Variants in MEGF6 observed in about 807,000 individuals in gnomAD.
MEGF6 encodes multiple EGF like domains 6.
Under a neutral mutation model 207.1 loss-of-function variants are expected in MEGF6, and 184 were observed. The observed-to-expected ratio is 0.89, with a 90% CI of 0.79 to 1.00. MEGF6 has a LOEUF of 1.00. Among genes scored for constraint, MEGF6 ranks in the 50% least tolerant of loss-of-function variants. MEGF6 has a pLI of 0.00. For synonymous variants in MEGF6, 1,038 were observed against 910.0 expected, an observed-to-expected ratio of 1.14 and a Z score of -2.53; for missense variants, 2,282 against 2,202.9, an observed-to-expected ratio of 1.04 and a Z score of -0.72.
At chr1:3,497,671 GC>G in intron 26 of MEGF6, 1 of 547,138 alleles carries the variant, frequency 1.8e-6, no homozygotes, top group South Asian at 1.6e-5. Context: ...TGGCAGCCCC[GC>G]CCCATGGAAG....
chr1:3,505,088 T>G (rs1026773123), intron 17 of MEGF6, 120 bp downstream of exon 17: 27 of 1,407,774 alleles, frequency 1.9e-5, no homozygotes, highest in Non-Finnish European at 2.4e-5. Context: ...CCACCTGGGC[T>G]TAGGCAAAGG....
At chr1:3,543,362 C>T (rs771213874) in intron 4 of MEGF6, among the ~76,000 whole-genome samples, 7 of 152,252 alleles carry the variant, frequency 4.6e-5, no homozygotes, top group African/African-American at 7.2e-5. Context: ...CCGAACCCTG[C>T]GTTCGTGCTC....
chr1:3,490,519 C>T lies in MEGF6; in HGVS notation c.*9G>A. The T allele has an allele frequency of 6.2e-7, 1 of 1,612,566 alleles. No homozygotes were observed. The highest frequency in any genetic ancestry group is 8.5e-7 in the Non-Finnish European group (1 of 1,179,726). On this transcript the variant is annotated 3_prime_UTR_variant, in exon 37 of 37. Coordinates refer to ENST00000356575, the MANE Select transcript of MEGF6 (RefSeq NM_001409.4). ...GACTGGAGAGGCGGGCTCCACGGGA[C>T]TGCCTCTACTAGTGCCTCGCTGGTC...
intron 11 of MEGF6, among the ~76,000 whole-genome samples, chr1:3,509,650 C>T (rs1041639761): frequency 1.3e-5 from 2 of 152,200 alleles, no homozygotes; most frequent in East Asian, 1.9e-4. Context: ...CTTCCCCCAC[C>T]CCACTGTCCC....
Position 3,499,803 on chromosome 1 carries a change from G to T in MEGF6, c.2829C>A (p.Cys943Ter). 1 of 1,557,798 alleles carries T rather than the reference G, an allele frequency of 6.4e-7. No individual in the cohort carries two copies. Among genetic ancestry groups the T allele is most frequent in the Non-Finnish European group, 8.7e-7 (1 of 1,151,602 alleles). ...GCCTGTGCCGTAGCTCACCATGCTC[G>T]CAGAAGGTGCCCCTCCAGCCGGCCG... The part of the protein sequence containing the change: ...TCPAGWRGTF[C>*]EHACPAGFFG... Residue 943 changes from cysteine (C) to a stop codon, truncating the protein, a stop_gained, in exon 22 of 37, where the codon TGC becomes TGA. Transcript: ENST00000356575. LOFTEE classifies it high-confidence loss of function.
At chr1:3,587,744 C>T (rs564036833) in intron 3 of MEGF6, among the ~76,000 whole-genome samples, 4 of 152,240 alleles carry the variant, frequency 2.6e-5, no homozygotes, top group South Asian at 4.1e-4. Flanking sequence ...GACAAACCAT[C>T]GCAACACCTC....
chr1:3,526,199 T>C lies in MEGF6; in HGVS notation c.482-1953A>G, dbSNP rs546132784. Among the ~76,000 whole-genome samples, 9 of 152,260 alleles carry C rather than the reference T, an allele frequency of 5.9e-5. No homozygotes were observed. The South Asian group carries it at 6.2e-4, about 11-fold the overall frequency. On this transcript the variant is annotated intron_variant, in intron 4 of 36. Transcript: ENST00000356575. ...GGGCCTCTGGGCATGGCGGAAGCTT[T>C]GGAAGTGCCAGTAGTGCCCCGGCCA...
chr1:3,493,982 C>T lies in MEGF6; in HGVS notation c.4258+14G>A. ...GCCAGGGAGCGGGGGTTCAGGGAGGCACCAAGCACTCACCCCTCTCACAGA... is the reference window on the plus strand; with the variant it reads ...GCCAGGGAGCGGGGGTTCAGGGAGGTACCAAGCACTCACCCCTCTCACAGA... On this transcript the variant is annotated intron_variant, in intron 33 of 36. Coordinates refer to ENST00000356575, the MANE Select transcript of MEGF6 (RefSeq NM_001409.4). 1.3e-6 allele frequency: 2 copies of T among 1,592,636 alleles called. No homozygotes were observed. Among genetic ancestry groups the T allele is most frequent in the Non-Finnish European group, 8.5e-7 (1 of 1,170,744 alleles).
intron 5 of MEGF6, among the ~76,000 whole-genome samples, chr1:3,523,182 G>C (rs946366279): frequency 6.6e-6 from 1 of 152,154 alleles, no homozygotes. Context: ...TCCAAGGCAG[G>C]AAGAAGGGGC....
At chr1:3,522,177 C>T (rs956317946) in intron 5 of MEGF6, among the ~76,000 whole-genome samples, 15 of 152,182 alleles carry the variant, frequency 9.9e-5, no homozygotes, top group South Asian at 2.1e-4. Context: ...AGAGAAGGTG[C>T]GCTCCGAGGT....
intron 4 of MEGF6, among the ~76,000 whole-genome samples, chr1:3,574,663 G>T (rs1404009777): frequency 6.6e-6 from 1 of 152,142 alleles, no homozygotes; most frequent in Admixed American, 6.5e-5. Context: ...TATCTATTGA[G>T]ACAGGGTCTT....
chr1:3,553,344 C>A (rs909693001), intron 4 of MEGF6, among the ~76,000 whole-genome samples: 2 of 152,018 alleles, frequency 1.3e-5, no homozygotes, highest in Non-Finnish European at 2.9e-5. Flanking sequence ...TACCCCTGGG[C>A]GTGCTGGGTC....
At position 3,500,644 on chromosome 1, in the gene MEGF6, C is replaced by T. The variant is rs1017264793; in HGVS notation, c.2696G>A (p.Arg899Gln). The T allele has an allele frequency of 1.4e-5, 22 of 1,558,876 alleles. No homozygotes were observed. The highest frequency in any genetic ancestry group is 6.8e-5 in the African/African-American group (5 of 73,436). The change falls in exon 21 of 37, where the codon CGG becomes CAG. Residue 899 changes from arginine to glutamine, a missense_variant. Physicochemically the swap from Arg to Gln is conservative, Grantham distance 43 (BLOSUM62 1). Transcript: ENST00000356575. ...CLCEAGYVGP[R>Q]CEQQCPQGHF... Reference sequence around the variant, plus strand: ...GGGCCGGGACTCACGCTGCTCGCACCGCGGGCCCACGTAGCCAGCCTCACA... The same window carrying T: ...GGGCCGGGACTCACGCTGCTCGCACTGCGGGCCCACGTAGCCAGCCTCACA...
At chr1:3,563,346 C>T (rs1169926273) in intron 4 of MEGF6, among the ~76,000 whole-genome samples, 1 of 152,066 alleles carries the variant, frequency 6.6e-6, no homozygotes, top group Non-Finnish European at 1.5e-5. Context: ...GGTGTCTGGG[C>T]TTGGTGGACA....
At chr1:3,614,592 A>G (rs1342729721), upstream of MEGF6, among the ~76,000 whole-genome samples, 1 of 152,216 alleles carries the variant, frequency 6.6e-6, no homozygotes, top group Non-Finnish European at 1.5e-5. Flanking sequence ...TGGTTTTAAT[A>G]TGGTTACTGA....
chr1:3,517,046 T>C (rs1411817267), intron 5 of MEGF6, among the ~76,000 whole-genome samples: 2 of 152,216 alleles, frequency 1.3e-5, no homozygotes, highest in Non-Finnish European at 2.9e-5. Context: ...CTGAAGCCAC[T>C]ACCGTGGCTC....
At chr1:3,620,447 C>T in the MEGF6 span, among the ~76,000 whole-genome samples, 1 of 152,200 alleles carries the variant, frequency 6.6e-6, no homozygotes, top group Non-Finnish European at 1.5e-5. Flanking sequence ...ACAGCCCAGG[C>T]GGAGCCCGTA....
chr1:3,528,143 G>A (rs1419055924), intron 4 of MEGF6, among the ~76,000 whole-genome samples: 2 of 152,238 alleles, frequency 1.3e-5, no homozygotes, highest in Admixed American at 6.5e-5. Context: ...CCTCCCACTT[G>A]GACGACAGAG....
chr1:3,549,506 C>T (rs996822220), intron 4 of MEGF6, among the ~76,000 whole-genome samples: 3 of 152,222 alleles, frequency 2.0e-5, no homozygotes, highest in African/African-American at 7.2e-5. Flanking sequence ...AGATGGGGGG[C>T]TGCCTGGGGG....
Sources: allele counts gnomAD v4.1 joint callset (sites outside exome capture counted in the v4.1 genomes callset), GRCh38; gene constraint gnomAD v4.1.1; transcripts MANE v1.5; gene names NCBI Gene and HGNC (gene_info 2026-07-23, HGNC 2026-07-21).